PRDM16: variants seen among roughly 807,000 people sequenced by gnomAD.
The protein encoded by PRDM16 is histone-lysine N-methyltransferase PRDM16.
PRDM16 carries 23 observed loss-of-function variants against 110.6 expected under a neutral mutation model. The observed-to-expected ratio is 0.21, with a 90% CI of 0.15 to 0.29. The LOEUF is 0.29. Among genes scored for constraint, PRDM16 ranks in the 10% least tolerant of loss-of-function variants. PRDM16 has a pLI of 1.00. For synonymous variants in PRDM16, 799 were observed against 781.8 expected, an observed-to-expected ratio of 1.02 and a Z score of -0.37; for missense variants, 1,615 against 1,794.3, an observed-to-expected ratio of 0.90 and a Z score of 1.81.
At chr1:3,211,306 G>A (rs1273500689) in intron 2 of PRDM16, among the ~76,000 whole-genome samples, 1 of 152,184 alleles carries the variant, frequency 6.6e-6, no homozygotes, top group African/African-American at 2.4e-5. Context: ...CTTTTTCTAA[G>A]TAGACCGATT....
chr1:3,098,131 C>G (rs1432932370), intron 1 of PRDM16, among the ~76,000 whole-genome samples: 1 of 152,154 alleles, frequency 6.6e-6, no homozygotes, highest in Non-Finnish European at 1.5e-5. Context: ...GGGGGCTGAG[C>G]CTTCACTGAG....
intron 9 of PRDM16, among the ~76,000 whole-genome samples, chr1:3,414,133 A>T (rs775905532): frequency 7.9e-5 from 12 of 152,184 alleles, no homozygotes; most frequent in Non-Finnish European, 1.5e-4. Flanking sequence ...CCCCCTTCAG[A>T]GTGGTCCCCA....
intron 1 of PRDM16, among the ~76,000 whole-genome samples, chr1:3,181,654 A>ATG (rs1392185479): frequency 3.2e-4 from 43 of 133,878 alleles, no homozygotes; most frequent in Admixed American, 9.6e-4. Flanking sequence ...GGTCTTACAC[A>ATG]CGGTCTTACA....
At chr1:3,187,351 C>T (rs921776089) in intron 2 of PRDM16, among the ~76,000 whole-genome samples, 7 of 152,240 alleles carry the variant, frequency 4.6e-5, no homozygotes, top group African/African-American at 1.7e-4. Context: ...CCCCCTGTGC[C>T]TCCCAGCCTC....
chr1:3,111,342 G>A (rs1159647476), intron 1 of PRDM16, among the ~76,000 whole-genome samples: 1 of 152,002 alleles, frequency 6.6e-6, no homozygotes, highest in African/African-American at 2.4e-5. Context: ...GAGGCAGGAT[G>A]GACAAGAGTC....
At chr1:3,376,924 C>T (rs1250735934) in intron 3 of PRDM16, among the ~76,000 whole-genome samples, 1 of 152,232 alleles carries the variant, frequency 6.6e-6, no homozygotes, top group Non-Finnish European at 1.5e-5. Context: ...TATTGGGCAT[C>T]AGGATGGGGA....
At chr1:3,236,601 T>C (rs1639546387) in intron 2 of PRDM16, among the ~76,000 whole-genome samples, 1 of 152,108 alleles carries the variant, frequency 6.6e-6, no homozygotes, top group Admixed American at 6.5e-5. Context: ...CCAGGGCTGG[T>C]CTACACCTGT....
chr1:3,276,282 G>T (rs1327017810), intron 3 of PRDM16, among the ~76,000 whole-genome samples: 1 of 152,224 alleles, frequency 6.6e-6, no homozygotes, highest in Non-Finnish European at 1.5e-5. Flanking sequence ...TCCTCGCCAG[G>T]CCTGCCATTG....
chr1:3,239,968 G>T (rs969203715), intron 2 of PRDM16, among the ~76,000 whole-genome samples: 1 of 148,940 alleles, frequency 6.7e-6, no homozygotes, highest in African/African-American at 2.5e-5. Flanking sequence ...GAAAAGTAAA[G>T]AAGAAAGAAA....
intron 3 of PRDM16, among the ~76,000 whole-genome samples, chr1:3,336,962 C>T (rs1642170427): frequency 7.2e-6 from 1 of 139,802 alleles, no homozygotes; most frequent in South Asian, 2.3e-4. Flanking sequence ...TGAGCACATG[C>T]ATGCACATAT....
chr1:3,189,899 C>A (rs1638256458), intron 2 of PRDM16, among the ~76,000 whole-genome samples: 1 of 152,180 alleles, frequency 6.6e-6, no homozygotes, highest in Non-Finnish European at 1.5e-5. Context: ...TTTGGGACAC[C>A]ATGGAAACCA....
chr1:3,181,124 GCA>G (rs1557508023), intron 1 of PRDM16, among the ~76,000 whole-genome samples: 4 of 127,842 alleles, frequency 3.1e-5, no homozygotes, highest in African/African-American at 8.8e-5. Flanking sequence ...CCTTACACAC[GCA>G]GTCTTACACG....
intron 8 of PRDM16, among the ~76,000 whole-genome samples, chr1:3,409,314 C>T (rs59691927): frequency 4.0e-5 from 6 of 151,790 alleles, no homozygotes; most frequent in East Asian, 1.9e-4. Flanking sequence ...GGTAGGTGAC[C>T]GAGGGGTATT....
At chr1:3,303,726 T>C (rs959179406) in intron 3 of PRDM16, among the ~76,000 whole-genome samples, 9 of 152,246 alleles carry the variant, frequency 5.9e-5, no homozygotes, top group Non-Finnish European at 8.8e-5. Flanking sequence ...GACGCCCGCC[T>C]GTCTTTCGGA....
intron 3 of PRDM16, among the ~76,000 whole-genome samples, chr1:3,345,246 G>C (rs1255167072): frequency 6.6e-6 from 1 of 152,136 alleles, no homozygotes; most frequent in Non-Finnish European, 1.5e-5. Flanking sequence ...CCTGCTTTTT[G>C]TTATTCTCTA....
Position 3,175,075 on chromosome 1 carries a change from C to T in PRDM16, c.38-11050C>T, listed in dbSNP as rs903901375. Among the ~76,000 whole-genome samples, 1 of 152,202 alleles carries T rather than the reference C, an allele frequency of 6.6e-6. No homozygotes were observed. Among genetic ancestry groups the T allele is most frequent in the Non-Finnish European group, 1.5e-5 (1 of 68,042 alleles). On this transcript the variant is annotated intron_variant, in intron 1 of 16. Transcript: ENST00000270722. The surrounding 1 kb of genome is among the most constrained non-coding windows in gnomAD (Gnocchi z 4.8). ...CCAGCGGCCAAGGCTCCTCCTAGCA[C>T]CATTTCCTGGAGTTACGACAGCTTT...
At chr1:3,420,106 A>G (rs947690618) in intron 12 of PRDM16, among the ~76,000 whole-genome samples, 9 of 152,162 alleles carry the variant, frequency 5.9e-5, no homozygotes, top group African/African-American at 2.2e-4. Context: ...TGTTTATAGA[A>G]GAATTTAATT....
At chr1:3,249,217 G>A (rs1361714733) in intron 3 of PRDM16, among the ~76,000 whole-genome samples, 4 of 151,928 alleles carry the variant, frequency 2.6e-5, no homozygotes, top group African/African-American at 9.7e-5. Context: ...TGGGGAGGAA[G>A]GGAGTAGGGG....
In PRDM16 at chr1:3,435,415, C is replaced by T. The variant is rs549762586; in HGVS notation, c.*1604C>T. ...TTTTTATGTGCCAAATACCCCCGTC[C>T]CCCCCATGAATCCTGCTGTCCCTGC... On this transcript the variant is annotated 3_prime_UTR_variant, in exon 17 of 17. Transcript: ENST00000270722. 42 of 231,152 alleles carry T rather than the reference C, an allele frequency of 1.8e-4. 2 individuals carry two copies. In the South Asian group the frequency reaches 7.5e-3, roughly 41 times the overall value. The allele number at this position is 231,152 out of a possible 1,614,324, so 14.3% of individuals were successfully genotyped here. A position where few individuals can be genotyped will look rare whatever the true frequency, so the allele number is the denominator to read the frequency against.
Sources: allele counts gnomAD v4.1 joint callset (sites outside exome capture counted in the v4.1 genomes callset), GRCh38; gene constraint gnomAD v4.1.1; non-coding constraint Gnocchi (gnomAD v3.1); transcripts MANE v1.5; gene names NCBI Gene and HGNC (gene_info 2026-07-23, HGNC 2026-07-21).